Variants in SLC26A7 observed in about 807,000 individuals in gnomAD.
The protein encoded by SLC26A7 is solute carrier family 26 member 7, also known as anion exchange transporter.
Under a neutral mutation model 82.5 loss-of-function variants are expected in SLC26A7, and 59 were observed. The ratio of observed to expected loss-of-function variants is 0.72; its 90% CI spans 0.58 to 0.89. The LOEUF is 0.89. Ranked by LOEUF, SLC26A7 falls within the 40% of genes least tolerant of loss-of-function variation. SLC26A7 has a pLI of 0.00. For synonymous variants in SLC26A7, 271 were observed against 274.3 expected (o/e 0.99, Z 0.12); for missense variants, 820 against 793.0 (o/e 1.03, Z -0.41).
At chr8:91,320,225 G>C (rs1208084835) in intron 5 of SLC26A7, among the ~76,000 whole-genome samples, 1 of 152,074 alleles carries the variant, frequency 6.6e-6, no homozygotes, top group African/African-American at 2.4e-5. Context: ...ACTGTGCCCA[G>C]CTAATTTTTG....
At chr8:91,282,253 C>T (rs1228739635) in intron 2 of SLC26A7, among the ~76,000 whole-genome samples, 1 of 152,240 alleles carries the variant, frequency 6.6e-6, no homozygotes, top group Non-Finnish European at 1.5e-5. Flanking sequence ...GGGCAGAGGC[C>T]AGTCAGCTGA....
rs34306717 is a variant in SLC26A7, at chr8:91,332,491, TACACACAC to T, written c.643-1768_643-1761del. On this transcript the variant is annotated intron_variant, in intron 5 of 18. Transcript: ENST00000276609. ...ATATATATTCTGTATATATATTTAA[TACACACAC>T]ACACACACACACACACACACACACA... Among the ~76,000 whole-genome samples the T allele has an allele frequency of 2.0e-3, 252 of 125,202 alleles. 2 individuals carry two copies. Among genetic ancestry groups the T allele is most frequent in the African/African-American group, 6.4e-3 (215 of 33,466 alleles). The allele number at this position is 125,202 out of a possible 152,430, so 82.1% of individuals were successfully genotyped here.
intron 2 of SLC26A7, among the ~76,000 whole-genome samples, chr8:91,225,643 GTTTTTTTTTTTTTTTTTTTT>G (rs55732709): frequency 1.9e-3 from 67 of 36,138 alleles, no homozygotes; most frequent in African/African-American, 8.2e-3. Context: ...CTAGAAAAGT[GTTTTTTTTTTTTTTTTTTTT>G]TTTTTTTTTT....
At chr8:91,364,298 C>A (rs1814130653) in intron 13 of SLC26A7, among the ~76,000 whole-genome samples, 1 of 152,108 alleles carries the variant, frequency 6.6e-6, no homozygotes, top group South Asian at 2.1e-4. Context: ...GTTTCAGTAT[C>A]TCATAATTTC....
intron 2 of SLC26A7, among the ~76,000 whole-genome samples, chr8:91,257,172 C>T (rs1315331223): frequency 2.0e-5 from 3 of 152,092 alleles, no homozygotes; most frequent in East Asian, 3.9e-4. Flanking sequence ...CTCTCACTGC[C>T]CCCTGCTACA....
At chr8:91,355,793 T>C (rs1471021352) in intron 11 of SLC26A7, among the ~76,000 whole-genome samples, 5 of 152,112 alleles carry the variant, frequency 3.3e-5, no homozygotes, top group African/African-American at 1.2e-4. Context: ...TTATTACATA[T>C]GTATACATGT....
chr8:91,326,762 A>G (rs1812942010), intron 5 of SLC26A7, among the ~76,000 whole-genome samples: 1 of 152,110 alleles, frequency 6.6e-6, no homozygotes, highest in Non-Finnish European at 1.5e-5. Flanking sequence ...ATTTATTCCC[A>G]CATTTCTGGA....
At chr8:91,380,976 G>A (rs1563710843) in intron 15 of SLC26A7, among the ~76,000 whole-genome samples, 1 of 152,008 alleles carries the variant, frequency 6.6e-6, no homozygotes, top group Non-Finnish European at 1.5e-5. Context: ...ATGTTATACT[G>A]ACATAATAAT....
At chr8:91,273,387 A>T (rs1276266566) in intron 2 of SLC26A7, among the ~76,000 whole-genome samples, 2 of 152,126 alleles carry the variant, frequency 1.3e-5, no homozygotes, top group Non-Finnish European at 1.5e-5. Flanking sequence ...AGAAATTAGG[A>T]TGGAAGTAAC....
At chr8:91,321,778 A>T (rs924345404) in intron 5 of SLC26A7, among the ~76,000 whole-genome samples, 2 of 152,146 alleles carry the variant, frequency 1.3e-5, no homozygotes, top group Admixed American at 1.3e-4. Context: ...TAAAGATTAC[A>T]TCAATGTGTT....
chr8:91,359,798 A>G (rs751154876), intron 11 of SLC26A7, among the ~76,000 whole-genome samples: 1 of 152,166 alleles, frequency 6.6e-6, no homozygotes, highest in Non-Finnish European at 1.5e-5. Context: ...TAGGCTATAT[A>G]CCCAATACGT....
intron 2 of SLC26A7, among the ~76,000 whole-genome samples, chr8:91,265,174 C>G (rs1389214985): frequency 6.6e-6 from 1 of 152,028 alleles, no homozygotes; most frequent in South Asian, 2.1e-4. Context: ...TTTTACTTAA[C>G]GTAATGTCCT....
At chr8:91,315,877 G>A (rs912744206) in intron 4 of SLC26A7, among the ~76,000 whole-genome samples, 1 of 152,208 alleles carries the variant, frequency 6.6e-6, no homozygotes, top group African/African-American at 2.4e-5. Flanking sequence ...TACCTTGCAT[G>A]TATTATTTCA....
chr8:91,239,454 G>GTA (rs948736501), intron 2 of SLC26A7, among the ~76,000 whole-genome samples: 1 of 145,166 alleles, frequency 6.9e-6, no homozygotes, highest in Admixed American at 7.0e-5. Flanking sequence ...GTGTATATAC[G>GTA]TATATATATG....
intron 2 of SLC26A7, 66 bp from the exon 3 acceptor site, chr8:91,289,070 C>T: frequency 9.8e-7 from 1 of 1,020,702 alleles, no homozygotes; most frequent in East Asian, 2.4e-5. Context: ...AATACCTATT[C>T]TTTTGTGTAA....
intron 3 of SLC26A7, among the ~76,000 whole-genome samples, chr8:91,291,413 G>A (rs570075779): frequency 2.8e-4 from 42 of 152,136 alleles, no homozygotes; most frequent in African/African-American, 9.1e-4. Flanking sequence ...AATTATTAAA[G>A]CCTATTTTTT....
intron 11 of SLC26A7, among the ~76,000 whole-genome samples, chr8:91,359,150 A>G (rs575431518): frequency 2.1e-4 from 32 of 152,364 alleles, no homozygotes; most frequent in Admixed American, 2.0e-3. Flanking sequence ...TAACAAAAGC[A>G]GACAGTTAAG....
intron 5 of SLC26A7, among the ~76,000 whole-genome samples, chr8:91,327,987 T>C (rs1172266422): frequency 3.3e-5 from 5 of 152,162 alleles, no homozygotes; most frequent in African/African-American, 9.6e-5. Context: ...TTTTTTCTCA[T>C]GTATATTTTA....
chr8:91,344,695 G>T (rs541018327), intron 9 of SLC26A7, among the ~76,000 whole-genome samples: 7 of 152,268 alleles, frequency 4.6e-5, no homozygotes. Context: ...CAGCTCATCA[G>T]CTAAGAAGTA....
Sources: allele counts gnomAD v4.1 joint callset (sites outside exome capture counted in the v4.1 genomes callset), GRCh38; gene constraint gnomAD v4.1.1; transcripts MANE v1.5; gene names NCBI Gene and HGNC (gene_info 2026-07-23, HGNC 2026-07-21).